Variants in SNTG1 observed in about 807,000 individuals in gnomAD.
The protein encoded by SNTG1 is syntrophin gamma 1, also known as gamma-1-syntrophin.
SNTG1 carries 39 observed loss-of-function variants against 74.7 expected under a neutral mutation model. The observed-to-expected ratio is 0.52, with a 90% CI of 0.40 to 0.68. The LOEUF is 0.68. Ranked by LOEUF, SNTG1 falls within the 30% of genes least tolerant of loss-of-function variation. The pLI is 0.00. For synonymous variants in SNTG1, 254 were observed against 217.1 expected (o/e 1.17, Z -1.49); for missense variants, 685 against 609.5 (o/e 1.12, Z -1.30).
In SNTG1 at chr8:50,134,641, T is replaced by C. The variant is rs548817383; in HGVS notation, c.-102-37920T>C. On this transcript the variant is annotated intron_variant, in intron 1 of 18. Coordinates refer to ENST00000642720, the MANE Select transcript of SNTG1 (RefSeq NM_018967.5). ...GTAATTAGAGGGAATGTATGGTTAG[T>C]AGGGTACATTCCTTTTTCTTAACTT... Among the ~76,000 whole-genome samples the C allele has an allele frequency of 2.2e-4, 34 of 152,258 alleles. 1 individual carries two copies. Among genetic ancestry groups the C allele is most frequent in the African/African-American group, 8.2e-4 (34 of 41,562 alleles).
chr8:50,178,234 C>A (rs1015217423), intron 2 of SNTG1, among the ~76,000 whole-genome samples: 3 of 152,160 alleles, frequency 2.0e-5, no homozygotes, highest in African/African-American at 7.2e-5. Context: ...TAGGGAATTG[C>A]AAAGCTGTTT....
intron 1 of SNTG1, among the ~76,000 whole-genome samples, chr8:50,096,168 G>C (rs1181182029): frequency 6.6e-6 from 1 of 152,002 alleles, no homozygotes; most frequent in Non-Finnish European, 1.5e-5. Context: ...CCCAAGACTA[G>C]GATTCAATTT....
intron 18 of SNTG1, among the ~76,000 whole-genome samples, chr8:50,780,699 T>G (rs936912678): frequency 3.1e-4 from 47 of 152,202 alleles, no homozygotes; most frequent in African/African-American, 9.2e-4. Context: ...GTGTCTCTAT[T>G]TCCTTCAGTT....
chr8:50,748,633 T>G (rs895957431), intron 17 of SNTG1, among the ~76,000 whole-genome samples: 1 of 152,048 alleles, frequency 6.6e-6, no homozygotes, highest in African/African-American at 2.4e-5. Context: ...CTCTATCAGC[T>G]GTTTTTCCAA....
intron 2 of SNTG1, among the ~76,000 whole-genome samples, chr8:50,194,396 G>C (rs192712399): frequency 5.9e-5 from 9 of 152,060 alleles, no homozygotes; most frequent in African/African-American, 2.2e-4. Context: ...ATTTAAGCCA[G>C]GAAGTTGTAT....
At chr8:50,598,617 G>A (rs1439937393) in intron 13 of SNTG1, among the ~76,000 whole-genome samples, 1 of 151,848 alleles carries the variant, frequency 6.6e-6, no homozygotes, top group Non-Finnish European at 1.5e-5. Flanking sequence ...CTGTGAAAAT[G>A]GCATTGTCAT....
intron 1 of SNTG1, among the ~76,000 whole-genome samples, chr8:50,128,596 G>A (rs890814574): frequency 1.3e-5 from 2 of 151,944 alleles, no homozygotes; most frequent in Non-Finnish European, 2.9e-5. Context: ...TTCCAATACC[G>A]TGACTTAAAA....
intron 1 of SNTG1, among the ~76,000 whole-genome samples, chr8:49,961,198 G>A (rs1044152328): frequency 2.0e-5 from 3 of 152,120 alleles, no homozygotes; most frequent in Non-Finnish European, 4.4e-5. Flanking sequence ...CCTCAGAGCT[G>A]TTTCCACTTT....
intron 13 of SNTG1, among the ~76,000 whole-genome samples, chr8:50,656,174 A>G (rs1180166759): frequency 1.3e-5 from 2 of 152,180 alleles, no homozygotes; most frequent in African/African-American, 4.8e-5. Context: ...ATTGAATGCC[A>G]CATGAATATG....
At chr8:50,231,962 A>G (rs1346942970) in intron 2 of SNTG1, among the ~76,000 whole-genome samples, 1 of 151,372 alleles carries the variant, frequency 6.6e-6, no homozygotes, top group Non-Finnish European at 1.5e-5. Context: ...CTGTCATGCC[A>G]CTTTGTACTC....
chr8:50,297,125 G>A (rs1189906096), intron 2 of SNTG1, among the ~76,000 whole-genome samples: 1 of 152,124 alleles, frequency 6.6e-6, no homozygotes, highest in Non-Finnish European at 1.5e-5. Context: ...TTTTTCGAAT[G>A]GGAAACATTT....
intron 18 of SNTG1, among the ~76,000 whole-genome samples, chr8:50,764,171 C>T (rs889980317): frequency 7.9e-5 from 12 of 151,760 alleles, no homozygotes; most frequent in African/African-American, 2.7e-4. Flanking sequence ...TATATAAAAA[C>T]AACTCTAAAC....
chr8:50,666,917 A>G (rs1038238472), intron 15 of SNTG1, among the ~76,000 whole-genome samples: 2 of 151,992 alleles, frequency 1.3e-5, no homozygotes, highest in African/African-American at 4.8e-5. Context: ...ATATTTTCCC[A>G]TACCCCATAT....
chr8:50,475,526 A>G (rs2093690265), intron 8 of SNTG1, among the ~76,000 whole-genome samples: 3 of 152,138 alleles, frequency 2.0e-5, no homozygotes, highest in African/African-American at 4.8e-5. Context: ...TGCCAGAGTC[A>G]GATGCCATTT....
intron 11 of SNTG1, among the ~76,000 whole-genome samples, chr8:50,549,260 G>C (rs199918871): frequency 6.6e-6 from 1 of 151,792 alleles, no homozygotes; most frequent in African/African-American, 2.4e-5. Flanking sequence ...TGCACACAGG[G>C]AAGAAACAGC....
chr8:50,085,503 C>G (rs1822800628), intron 1 of SNTG1, among the ~76,000 whole-genome samples: 1 of 152,212 alleles, frequency 6.6e-6, no homozygotes, highest in Admixed American at 6.5e-5. Context: ...AGATAAGGCT[C>G]TATGCACAGT....
In SNTG1 at chr8:50,513,721, A is replaced by C. The variant is rs562753527; in HGVS notation, c.466+10841A>C. 2.2e-4 allele frequency among the ~76,000 whole-genome samples: 33 copies of C among 152,340 alleles called. No homozygotes were observed. In the East Asian group the frequency reaches 5.6e-3, roughly 26 times the overall value. On this transcript the variant is annotated intron_variant, in intron 9 of 18. Transcript: ENST00000642720. ...GCATAAGACCCTCCAAGCCATGCGC[A>C]GGATATAATCTCCTGGTGTGCCGTT...
chr8:50,088,290 C>T (rs1003533413), intron 1 of SNTG1, among the ~76,000 whole-genome samples: 1 of 147,980 alleles, frequency 6.8e-6, no homozygotes, highest in Non-Finnish European at 1.5e-5. Flanking sequence ...AAACCCACAG[C>T]CAATATCATA....
At chr8:50,347,142 G>A (rs1207297238) in intron 2 of SNTG1, among the ~76,000 whole-genome samples, 2 of 152,172 alleles carry the variant, frequency 1.3e-5, no homozygotes, top group Non-Finnish European at 2.9e-5. Context: ...GCTAATATCT[G>A]GCTTCAAAGC....
Sources: allele counts gnomAD v4.1 joint callset (sites outside exome capture counted in the v4.1 genomes callset), GRCh38; gene constraint gnomAD v4.1.1; transcripts MANE v1.5; gene names NCBI Gene and HGNC (gene_info 2026-07-23, HGNC 2026-07-21).